IMMP2L: variants seen among roughly 807,000 people sequenced by gnomAD.
IMMP2L encodes mitochondrial inner membrane protease subunit 2.
Under a neutral mutation model 19.3 loss-of-function variants are expected in IMMP2L, and 18 were observed. The ratio of observed to expected loss-of-function variants is 0.93; its 90% CI spans 0.64 to 1.38. The LOEUF (loss-of-function observed/expected upper bound fraction) is 1.38, where lower values mean the gene tolerates loss of function less well. IMMP2L is among the 40% of genes most tolerant of loss of function. IMMP2L has a pLI of 0.00. For missense variants in IMMP2L, 233 were observed against 218.2 expected (o/e 1.07, Z -0.43); for synonymous variants, 76 against 73.0 (o/e 1.04, Z -0.21).
intron 3 of IMMP2L, among the ~76,000 whole-genome samples, chr7:111,413,421 G>A (rs1356834114): frequency 6.6e-6 from 1 of 151,800 alleles, no homozygotes; most frequent in East Asian, 1.9e-4. Context: ...ACAGACCAAT[G>A]TATCTCATAC....
intron 5 of IMMP2L, among the ~76,000 whole-genome samples, chr7:110,729,734 G>A (rs891782505): frequency 1.3e-5 from 2 of 152,144 alleles, no homozygotes; most frequent in African/African-American, 2.4e-5. Flanking sequence ...ACACATGGGT[G>A]GGGGGAACAA....
chr7:111,334,846 G>A (rs1004519002), intron 3 of IMMP2L, among the ~76,000 whole-genome samples: 4 of 151,784 alleles, frequency 2.6e-5, no homozygotes, highest in Admixed American at 1.3e-4. Context: ...TTTTCCTAAC[G>A]TCTCTCAGTA....
At chr7:111,556,830 C>T (rs1293752003) in intron 1 of IMMP2L, among the ~76,000 whole-genome samples, 2 of 152,218 alleles carry the variant, frequency 1.3e-5, no homozygotes, top group East Asian at 3.9e-4. Context: ...ACACACAAAT[C>T]TGTTTCTCCA....
chr7:110,799,541 T>C (rs989756843), intron 5 of IMMP2L, among the ~76,000 whole-genome samples: 2 of 152,022 alleles, frequency 1.3e-5, no homozygotes, highest in Non-Finnish European at 2.9e-5. Context: ...ATGTAATATA[T>C]AGATTACCAC....
At chr7:110,930,878 T>G (rs991528257) in intron 4 of IMMP2L, among the ~76,000 whole-genome samples, 39 of 152,350 alleles carry the variant, frequency 2.6e-4, no homozygotes, top group African/African-American at 8.4e-4. Flanking sequence ...GCTATGTTTA[T>G]ACACATTTAA....
intron 1 of IMMP2L, among the ~76,000 whole-genome samples, chr7:111,536,921 T>C (rs1847939565): frequency 6.6e-6 from 1 of 152,056 alleles, no homozygotes; most frequent in African/African-American, 2.4e-5. Flanking sequence ...TGTACCCTTG[T>C]AAGTTTGTTA....
At chr7:110,812,136 T>C (rs963797495) in intron 5 of IMMP2L, among the ~76,000 whole-genome samples, 5 of 152,056 alleles carry the variant, frequency 3.3e-5, no homozygotes, top group African/African-American at 4.8e-5. Context: ...AGTTTCTAAA[T>C]AGAGTGGTAC....
chr7:110,735,437 C>A (rs149093515), intron 5 of IMMP2L, among the ~76,000 whole-genome samples: 2 of 151,948 alleles, frequency 1.3e-5, no homozygotes, highest in East Asian at 3.9e-4. Flanking sequence ...CTGAAACAAC[C>A]AACTTCAGGT....
chr7:110,984,894 A>G (rs1378107255), intron 3 of IMMP2L, among the ~76,000 whole-genome samples: 1 of 152,126 alleles, frequency 6.6e-6, no homozygotes, highest in Non-Finnish European at 1.5e-5. Flanking sequence ...TAAGTTTGCT[A>G]ATCAATGGAC....
chr7:111,031,384 G>GTGTGTA (rs1426422048), intron 3 of IMMP2L, among the ~76,000 whole-genome samples: 3 of 68,852 alleles, frequency 4.4e-5, no homozygotes, highest in African/African-American at 1.6e-4. Flanking sequence ...GTGTAGGGGT[G>GTGTGTA]TGTGTGTGTG....
At position 110,662,736 on chromosome 7, in the gene IMMP2L, C is replaced by T. The variant is rs1525676; in HGVS notation, c.*866G>A. 0.35 allele frequency among the ~76,000 whole-genome samples: 53,296 copies of T among 152,018 alleles called. 10,032 individuals are homozygous for T. Among genetic ancestry groups the T allele is most frequent in the African/African-American group, 0.48 (19,911 of 41,428 alleles). The stretch of plus-strand genomic sequence containing the variant: ...CAATTGGTGATTTCAGTATTACAGA[C>T]GTGAATACTGAGAAATAATTAGGGG... On this transcript the variant is annotated 3_prime_UTR_variant, in exon 6 of 6. Coordinates refer to ENST00000405709, the MANE Select transcript of IMMP2L (RefSeq NM_032549.4).
intron 2 of IMMP2L, among the ~76,000 whole-genome samples, chr7:111,499,878 C>G (rs903132231): frequency 6.6e-6 from 1 of 152,074 alleles, no homozygotes; most frequent in African/African-American, 2.4e-5. Flanking sequence ...CCAGAATGAG[C>G]GACGCAGAAG....
intron 3 of IMMP2L, among the ~76,000 whole-genome samples, chr7:111,044,027 C>G (rs1002817677): frequency 6.6e-6 from 1 of 152,162 alleles, no homozygotes; most frequent in African/African-American, 2.4e-5. Context: ...TAATTCTTGT[C>G]ATTTCAGTAT....
chr7:111,236,441 A>G (rs1814323700), intron 3 of IMMP2L, among the ~76,000 whole-genome samples: 1 of 152,052 alleles, frequency 6.6e-6, no homozygotes, highest in South Asian at 2.1e-4. Flanking sequence ...TGGTTATTCT[A>G]TCTGATGCTT....
At chr7:110,811,774 C>A (rs575504474) in intron 5 of IMMP2L, among the ~76,000 whole-genome samples, 1 of 152,072 alleles carries the variant, frequency 6.6e-6, no homozygotes, top group African/African-American at 2.4e-5. Flanking sequence ...TTTCTGGAAA[C>A]AGCATCCTGG....
At chr7:111,165,467 TTTTATG>T (rs1343452675) in intron 3 of IMMP2L, among the ~76,000 whole-genome samples, 1 of 152,064 alleles carries the variant, frequency 6.6e-6, no homozygotes, top group Non-Finnish European at 1.5e-5. Context: ...CACAGGGTAA[TTTTATG>T]TTTAACTTTT....
chr7:111,277,012 TA>T (rs1192384849), intron 3 of IMMP2L, among the ~76,000 whole-genome samples: 10 of 152,158 alleles, frequency 6.6e-5, no homozygotes, highest in African/African-American at 1.7e-4. Context: ...ATGAAAATCC[TA>T]GAAGAAAACT....
chr7:110,742,933 C>T (rs116261540), intron 5 of IMMP2L, among the ~76,000 whole-genome samples: 71 of 152,208 alleles, frequency 4.7e-4, no homozygotes, highest in African/African-American at 1.7e-3. Context: ...ACGTACATTA[C>T]GCTGATAAAT....
intron 5 of IMMP2L, among the ~76,000 whole-genome samples, chr7:110,885,100 G>A (rs1016725152): frequency 1.3e-5 from 2 of 151,518 alleles, no homozygotes; most frequent in Non-Finnish European, 2.9e-5. Flanking sequence ...ATATCTAAAG[G>A]TATTCAATAT....
Sources: allele counts gnomAD v4.1 joint callset (sites outside exome capture counted in the v4.1 genomes callset), GRCh38; gene constraint gnomAD v4.1.1; transcripts MANE v1.5; gene names NCBI Gene and HGNC (gene_info 2026-07-23, HGNC 2026-07-21).